Variants in CDH6 observed in about 807,000 individuals in gnomAD.
The protein encoded by CDH6 is cadherin-6.
A neutral mutation model predicts 78.0 loss-of-function variants in CDH6; 31 were observed. The observed-to-expected ratio is 0.40, with a 90% confidence interval of 0.30 to 0.54. The LOEUF (loss-of-function observed/expected upper bound fraction) is 0.54, where lower values mean the gene tolerates loss of function less well. Ranked by LOEUF, CDH6 falls within the 20% of genes least tolerant of loss-of-function variation. The probability of loss-of-function intolerance (pLI) is 0.56; values close to 1 mark genes in which losing one functional copy is unlikely to be tolerated. For missense variants in CDH6, 724 were observed against 975.9 expected (o/e 0.74, Z 3.44); for synonymous variants, 376 against 368.8 (o/e 1.02, Z -0.23).
intron 6 of CDH6, among the ~76,000 whole-genome samples, chr5:31,304,856 G>A (rs768215713): frequency 1.3e-5 from 2 of 152,030 alleles, no homozygotes; most frequent in Non-Finnish European, 2.9e-5. Context: ...TTCCTGCCTG[G>A]TATGATGCCT....
rs1038446617 is a variant in CDH6 at position 31,328,761 on chromosome 5, T to C, written c.*5453T>C. ...ATTTACTGGCGGGAATGCTCACTCT[T>C]GTCGTTTTCCTCAGTATCGTTCATG... On this transcript the variant is annotated 3_prime_UTR_variant, in exon 12 of 12. Coordinates refer to ENST00000265071, the MANE Select transcript of CDH6 (RefSeq NM_004932.4). 1 of 217,294 alleles carries C rather than the reference T, an allele frequency of 4.6e-6. No individual in the cohort carries two copies. The highest frequency in any genetic ancestry group is 2.3e-5 in the African/African-American group (1 of 44,440). The allele number at this position is 217,294 out of a possible 1,614,324, so 13.5% of individuals were successfully genotyped here. A position where few individuals can be genotyped will look rare whatever the true frequency, so the allele number is the denominator to read the frequency against.
intron 6 of CDH6, among the ~76,000 whole-genome samples, chr5:31,302,854 GAAAGAAA>G (rs1737835826): frequency 8.1e-6 from 1 of 124,042 alleles, no homozygotes; most frequent in African/African-American, 3.1e-5. Flanking sequence ...GAAAGAAAGA[GAAAGAAA>G]GGAAGAAAGG....
At chr5:31,299,657 T>C (rs1376368866) in intron 5 of CDH6, 26 bp downstream of exon 5, 2 of 1,570,110 alleles carry the variant, frequency 1.3e-6, no homozygotes, top group Non-Finnish European at 1.7e-6. Flanking sequence ...TGAATGAATT[T>C]CTTCAATGTG....
At chr5:31,201,018 T>G (rs989593117) in intron 1 of CDH6, among the ~76,000 whole-genome samples, 1 of 152,226 alleles carries the variant, frequency 6.6e-6, no homozygotes, top group African/African-American at 2.4e-5. Context: ...ATTTATTTTG[T>G]TCTCTTATCT....
chr5:31,229,573 A>G (rs985414258), intron 1 of CDH6, among the ~76,000 whole-genome samples: 6 of 152,204 alleles, frequency 3.9e-5, no homozygotes, highest in Non-Finnish European at 8.8e-5. Context: ...TATTGGCTAA[A>G]CCAATAAGTG....
rs2149963304 is a variant in CDH6 at position 31,325,238 on chromosome 5, G to A, written c.*1930G>A. ...ATGGTTTCCGATTTTATAATGGACT[G>A]CCCTATATAGTAACAAGTATTTCAT... On this transcript the variant is annotated 3_prime_UTR_variant, in exon 12 of 12. Transcript: ENST00000265071. 1 of 229,950 alleles carries A rather than the reference G, an allele frequency of 4.3e-6. No individual in the cohort carries two copies. The highest frequency in any genetic ancestry group is 2.2e-5 in the African/African-American group (1 of 45,220). 14.2% of individuals were successfully genotyped at this position (229,950 alleles called of 1,614,324 possible).
At chr5:31,250,636 C>A (rs1176127465) in intron 1 of CDH6, 1 of 152,400 alleles carries the variant, frequency 6.6e-6, no homozygotes, top group Admixed American at 6.5e-5. Context: ...CAATCCTAAG[C>A]ACCAGTTGCA....
At chr5:31,263,023 GT>G in intron 1 of CDH6, among the ~76,000 whole-genome samples, 1 of 152,216 alleles carries the variant, frequency 6.6e-6, no homozygotes, top group Non-Finnish European at 1.5e-5. Flanking sequence ...GGTTTTTCAG[GT>G]TAAGTAAAAT....
intron 1 of CDH6, among the ~76,000 whole-genome samples, chr5:31,219,457 T>A (rs1740951760): frequency 6.6e-6 from 1 of 152,226 alleles, no homozygotes; most frequent in South Asian, 2.1e-4. Flanking sequence ...GCTCTTGCCA[T>A]TCCTACTCTC....
At chr5:31,230,288 T>C (rs1741280363) in intron 1 of CDH6, among the ~76,000 whole-genome samples, 1 of 152,194 alleles carries the variant, frequency 6.6e-6, no homozygotes, top group Non-Finnish European at 1.5e-5. Flanking sequence ...TGTAGATGAC[T>C]TCTCCAAAGA....
chr5:31,204,064 C>G (rs1561021203), intron 1 of CDH6, among the ~76,000 whole-genome samples: 1 of 152,178 alleles, frequency 6.6e-6, no homozygotes, highest in African/African-American at 2.4e-5. Context: ...GCATTCATAG[C>G]AAATGCTATT....
At chr5:31,272,719 C>T (rs558296721) in intron 2 of CDH6, among the ~76,000 whole-genome samples, 1 of 152,220 alleles carries the variant, frequency 6.6e-6, no homozygotes, top group Non-Finnish European at 1.5e-5. Flanking sequence ...GTTCTTTAAC[C>T]CCTCCTTCCA....
At chr5:31,319,987 A>C (rs1338100808) in intron 11 of CDH6, among the ~76,000 whole-genome samples, 1 of 152,144 alleles carries the variant, frequency 6.6e-6, no homozygotes, top group Non-Finnish European at 1.5e-5. Context: ...TTTACCCTCT[A>C]GTTTTACGAT....
At chr5:31,315,517 A>G (rs1415380157) in intron 8 of CDH6, among the ~76,000 whole-genome samples, 1 of 152,230 alleles carries the variant, frequency 6.6e-6, no homozygotes, top group Non-Finnish European at 1.5e-5. Context: ...AAAATACTTC[A>G]TTTATCTCAG....
intron 1 of CDH6, among the ~76,000 whole-genome samples, chr5:31,206,616 T>G (rs1330344379): frequency 6.6e-6 from 1 of 152,228 alleles, no homozygotes. Flanking sequence ...TGCTCAGTTC[T>G]GCAGAGAAAG....
At chr5:31,285,627 G>T (rs1742991060) in intron 2 of CDH6, among the ~76,000 whole-genome samples, 1 of 152,166 alleles carries the variant, frequency 6.6e-6, no homozygotes, top group Non-Finnish European at 1.5e-5. Flanking sequence ...ATTTTATTAT[G>T]AAATAATGTT....
At chr5:31,195,306 G>T (rs971624146) in intron 1 of CDH6, among the ~76,000 whole-genome samples, 4 of 152,104 alleles carry the variant, frequency 2.6e-5, no homozygotes, top group African/African-American at 4.8e-5. Flanking sequence ...TATCCAGGGG[G>T]TTGCAAACTC....
Position 31,329,111 on chromosome 5 carries a change from T to C in CDH6, c.*5803T>C. 5.1e-6 allele frequency: 1 copy of C among 194,286 alleles called. No individual in the cohort carries two copies. Among genetic ancestry groups the C allele is most frequent in the Non-Finnish European group, 1.1e-5 (1 of 93,408 alleles). The allele number at this position is 194,286 out of a possible 1,614,324, so 12.0% of individuals were successfully genotyped here. A position where few individuals can be genotyped will look rare whatever the true frequency, so the allele number is the denominator to read the frequency against. On this transcript the variant is annotated 3_prime_UTR_variant, in exon 12 of 12. Coordinates refer to ENST00000265071, the MANE Select transcript of CDH6 (RefSeq NM_004932.4). ...AAATCAATTTTTGTAACAAGTTATTTATATGATATTACTTAATAAACTGGT... is the reference window on the plus strand; with the variant it reads ...AAATCAATTTTTGTAACAAGTTATTCATATGATATTACTTAATAAACTGGT...
At chr5:31,196,103 T>C (rs1042149574) in intron 1 of CDH6, among the ~76,000 whole-genome samples, 24 of 152,232 alleles carry the variant, frequency 1.6e-4, no homozygotes, top group Non-Finnish European at 3.2e-4. Flanking sequence ...GGAAACATAA[T>C]CATTTTCTAC....
Sources: allele counts gnomAD v4.1 joint callset (sites outside exome capture counted in the v4.1 genomes callset), GRCh38; gene constraint gnomAD v4.1.1; transcripts MANE v1.5; gene names NCBI Gene and HGNC (gene_info 2026-07-23, HGNC 2026-07-21).